CHN2: variants seen among roughly 807,000 people sequenced by gnomAD.
CHN2 encodes beta-chimaerin.
Under a neutral mutation model 56.3 loss-of-function variants are expected in CHN2, and 35 were observed. That is an observed-to-expected ratio of 0.62 (90% confidence interval 0.47 to 0.82). CHN2 has a LOEUF of 0.82. Ranked by LOEUF, CHN2 falls within the 40% of genes least tolerant of loss-of-function variation. CHN2 has a pLI of 0.00. For synonymous variants in CHN2, 210 were observed against 212.8 expected (o/e 0.99, Z 0.12); for missense variants, 491 against 580.5 (o/e 0.85, Z 1.58).
chr7:29,246,284 C>T (rs1788071009), intron 1 of CHN2, among the ~76,000 whole-genome samples: 1 of 152,158 alleles, frequency 6.6e-6, no homozygotes, highest in African/African-American at 2.4e-5. Flanking sequence ...TGTCTCTTTC[C>T]TGGTCCTGCT....
intron 1 of CHN2, among the ~76,000 whole-genome samples, chr7:29,346,729 G>A (rs1797467567): frequency 6.6e-6 from 1 of 152,142 alleles, no homozygotes; most frequent in Admixed American, 6.5e-5. Context: ...GTTTTTCTGT[G>A]AGTCGAGTCA....
intron 3 of CHN2, among the ~76,000 whole-genome samples, chr7:29,390,911 TAGACG>T (rs1373101487): frequency 6.6e-6 from 1 of 152,208 alleles, no homozygotes; most frequent in African/African-American, 2.4e-5. Context: ...TGAAGAAATG[TAGACG>T]TTGTATGATT....
At chr7:29,375,558 A>G (rs1800010664) in intron 3 of CHN2, among the ~76,000 whole-genome samples, 1 of 152,194 alleles carries the variant, frequency 6.6e-6, no homozygotes, top group Non-Finnish European at 1.5e-5. Flanking sequence ...GAGTTGGAAT[A>G]CTATGTGGTA....
At chr7:29,360,587 G>A (rs1450153812) in intron 2 of CHN2, among the ~76,000 whole-genome samples, 2 of 152,186 alleles carry the variant, frequency 1.3e-5, no homozygotes, top group Non-Finnish European at 2.9e-5. Flanking sequence ...GTGGAGGGTG[G>A]GGTTGAGCCA....
At chr7:29,279,310 G>A (rs1329088979) in intron 1 of CHN2, among the ~76,000 whole-genome samples, 1 of 152,182 alleles carries the variant, frequency 6.6e-6, no homozygotes, top group African/African-American at 2.4e-5. Context: ...CCCTCACGCG[G>A]CAGCTGTCCT....
At chr7:29,329,516 T>C (rs1166655395) in intron 1 of CHN2, among the ~76,000 whole-genome samples, 2 of 151,934 alleles carry the variant, frequency 1.3e-5, no homozygotes, top group Non-Finnish European at 2.9e-5. Context: ...CAGATGTAAA[T>C]TATTTGTTTG....
chr7:29,349,893 A>G lies in CHN2; in HGVS notation c.50-4732A>G, dbSNP rs563010298. 4.6e-5 allele frequency among the ~76,000 whole-genome samples: 7 copies of G among 152,336 alleles called. No homozygotes were observed. In the East Asian group the frequency reaches 1.4e-3, roughly 29 times the overall value. On this transcript the variant is annotated intron_variant, in intron 1 of 12. Coordinates refer to ENST00000222792, the MANE Select transcript of CHN2 (RefSeq NM_004067.4). ...ATGTTTAACAAACTAATACATTTCC[A>G]GAACACATTATGCTTCATCTTGTCA...
At chr7:29,305,657 G>A (rs547356200) in intron 1 of CHN2, among the ~76,000 whole-genome samples, 2 of 152,278 alleles carry the variant, frequency 1.3e-5, no homozygotes, top group Admixed American at 6.5e-5. Context: ...GCCTGATAAA[G>A]TTTACTTGTG....
At chr7:29,172,363 G>T (rs910662797) in intron 2 of CHN2, among the ~76,000 whole-genome samples, 1 of 152,092 alleles carries the variant, frequency 6.6e-6, no homozygotes, top group African/African-American at 2.4e-5. Flanking sequence ...CTACACCTAG[G>T]CTCACCCTTG....
chr7:29,212,370 C>G, intron 1 of CHN2: 2 of 1,585,726 alleles, frequency 1.3e-6, no homozygotes, highest in Non-Finnish European at 8.7e-7. Context: ...AGAATCTTAA[C>G]CTATGGCTGT....
At chr7:29,304,764 G>A (rs1349210934) in intron 1 of CHN2, among the ~76,000 whole-genome samples, 1 of 152,168 alleles carries the variant, frequency 6.6e-6, no homozygotes, top group Admixed American at 6.5e-5. Context: ...GAAGATATAG[G>A]GGGAGGCCAG....
intron 1 of CHN2, chr7:29,212,271 A>C (rs1174959212): frequency 3.0e-6 from 3 of 1,010,916 alleles, no homozygotes; most frequent in Non-Finnish European, 4.6e-6. Context: ...CCACCTCTTA[A>C]ATTTTTTCCC....
intron 2 of CHN2, among the ~76,000 whole-genome samples, chr7:29,186,764 G>C (rs558159846): frequency 6.6e-6 from 1 of 152,030 alleles, no homozygotes; most frequent in Non-Finnish European, 1.5e-5. Flanking sequence ...GAAATTTCAA[G>C]TAAAAACTAA....
intron 1 of CHN2, among the ~76,000 whole-genome samples, chr7:29,304,062 GAAAAAAA>G (rs5883200): frequency 6.7e-6 from 1 of 148,790 alleles, no homozygotes; most frequent in Non-Finnish European, 1.5e-5. Context: ...ATCATCTCAA[GAAAAAAA>G]AAAAAAGTAG....
intron 1 of CHN2, among the ~76,000 whole-genome samples, chr7:29,243,092 A>G (rs1787813476): frequency 6.6e-6 from 1 of 152,202 alleles, no homozygotes; most frequent in African/African-American, 2.4e-5. Context: ...TAGTTCTATT[A>G]GAAATCTATT....
rs1260492435 is a variant in CHN2 at position 29,514,245 on chromosome 7, T to C, written c.*1510T>C. On this transcript the variant is annotated 3_prime_UTR_variant, in exon 13 of 13. Transcript: ENST00000222792. ...AAAATTATCTGGAAATGGTTTTATT[T>C]TGTGAAGTGAACAATACTTTGTAAT... is the stretch of plus-strand genomic sequence containing the variant. 1 of 152,652 alleles carries C rather than the reference T, an allele frequency of 6.6e-6. No homozygotes were observed. Among genetic ancestry groups the C allele is most frequent in the African/African-American group, 2.4e-5 (1 of 41,460 alleles). 9.5% of individuals were successfully genotyped at this position (152,652 alleles called of 1,614,324 possible).
intron 4 of CHN2, chr7:29,396,955 C>G (rs970168808): frequency 6.6e-6 from 1 of 152,446 alleles, no homozygotes; most frequent in Admixed American, 6.5e-5. Context: ...GCCAGTTAGA[C>G]CCCCTGAGAC....
intron 2 of CHN2, among the ~76,000 whole-genome samples, chr7:29,162,268 A>G (rs1795279950): frequency 6.6e-6 from 1 of 152,246 alleles, no homozygotes; most frequent in African/African-American, 2.4e-5. Context: ...ATGCTCTTCA[A>G]AAGGTGAATA....
At chr7:29,173,117 C>G in intron 2 of CHN2, among the ~76,000 whole-genome samples, 1 of 123,894 alleles carries the variant, frequency 8.1e-6, no homozygotes, top group African/African-American at 3.2e-5. Context: ...GGTGACAGAG[C>G]AAGACTCTGT....
Sources: gnomAD v4.1 joint callset for allele counts (sites outside exome capture counted in the v4.1 genomes callset) on GRCh38, gnomAD v4.1.1 for gene constraint, MANE v1.5 for transcripts, NCBI Gene and HGNC (gene_info 2026-07-23, HGNC 2026-07-21) for gene names.